Variants in ACVR2B observed in about 807,000 individuals in gnomAD.
ACVR2B encodes the protein activin receptor type-2B.
A neutral mutation model predicts 65.1 loss-of-function variants in ACVR2B; 18 were observed. The observed-to-expected ratio is 0.28, with a 90% CI of 0.19 to 0.41. The LOEUF (loss-of-function observed/expected upper bound fraction) is 0.41, where lower values mean the gene tolerates loss of function less well. Among genes scored for constraint, ACVR2B ranks in the 10% least tolerant of loss-of-function variants. ACVR2B has a pLI of 1.00. For synonymous variants in ACVR2B, 298 were observed against 277.7 expected, an observed-to-expected ratio of 1.07 and a Z score of -0.73; for missense variants, 482 against 682.7, an observed-to-expected ratio of 0.71 and a Z score of 3.28.
At chr3:38,469,049 GTT>G (rs1285557469) in intron 1 of ACVR2B, among the ~76,000 whole-genome samples, 1 of 152,160 alleles carries the variant, frequency 6.6e-6, no homozygotes, top group Non-Finnish European at 1.5e-5. Context: ...TTGGTTCCTT[GTT>G]TCTAGGCGGG....
At chr3:38,456,718 G>A (rs1400108273) in intron 1 of ACVR2B, among the ~76,000 whole-genome samples, 1 of 152,152 alleles carries the variant, frequency 6.6e-6, no homozygotes, top group Non-Finnish European at 1.5e-5. Context: ...GGTGGGGCAA[G>A]GGGGTGTTTT....
chr3:38,478,076 T>C, intron 3 of ACVR2B, 65 bp from the exon 4 acceptor site: 1 of 1,598,494 alleles, frequency 6.3e-7, no homozygotes, highest in South Asian at 1.1e-5. Flanking sequence ...CAGGGCCCTG[T>C]AGTCTGGCTC....
In ACVR2B at chr3:38,490,393, T is replaced by C. The variant is rs1472422874; in HGVS notation, c.*7061T>C. On this transcript the variant is annotated 3_prime_UTR_variant, in exon 11 of 11. Transcript: ENST00000352511. ...ATTCATTCTGGTTGAGCGTATAGGT[T>C]TACACTTTACCCTTTTTATACTTGG... 6.6e-6 allele frequency: 1 copy of C among 152,508 alleles called. No homozygotes were observed. Among genetic ancestry groups the C allele is most frequent in the Non-Finnish European group, 1.5e-5 (1 of 68,018 alleles). 9.4% of individuals were successfully genotyped at this position (152,508 alleles called of 1,614,324 possible).
chr3:38,485,885 T>G lies in ACVR2B; in HGVS notation c.*2553T>G, dbSNP rs535091371. On this transcript the variant is annotated 3_prime_UTR_variant, in exon 11 of 11. Coordinates refer to ENST00000352511, the MANE Select transcript of ACVR2B (RefSeq NM_001106.4). Reference sequence around the variant, plus strand: ...GTGCAGGCATCTTTACTTTTCATCCTCAGAAGAAACAAACGACTAACAAAT... The same window carrying G: ...GTGCAGGCATCTTTACTTTTCATCCGCAGAAGAAACAAACGACTAACAAAT... 2 of 152,690 alleles carry G rather than the reference T, an allele frequency of 1.3e-5. No individual in the cohort carries two copies. Among genetic ancestry groups the G allele is most frequent in the South Asian group, 4.2e-4 (2 of 4,816 alleles). 9.5% of individuals were successfully genotyped at this position (152,690 alleles called of 1,614,324 possible).
chr3:38,468,891 T>A (rs1281334384), intron 1 of ACVR2B, among the ~76,000 whole-genome samples: 1 of 152,196 alleles, frequency 6.6e-6, no homozygotes, highest in Non-Finnish European at 1.5e-5. Context: ...TTGTGTATAA[T>A]CCTTGACCTT....
intron 1 of ACVR2B, 62 bp downstream of exon 1, chr3:38,454,436 C>A: frequency 1.6e-6 from 2 of 1,213,026 alleles, no homozygotes; most frequent in Non-Finnish European, 2.1e-6. Flanking sequence ...TCTGGCGCCG[C>A]GCGGTGTTTA....
chr3:38,454,265 G>C lies in ACVR2B; in HGVS notation c.-58G>C. ...CGCCGCCTGGCCCTGCGCGCCCCGG[G>C]AGCGCCGTGCGGCCCTGCCCGCGGG... On this transcript the variant is annotated 5_prime_UTR_variant, in exon 1 of 11. Coordinates refer to ENST00000352511, the MANE Select transcript of ACVR2B (RefSeq NM_001106.4). The C allele has an allele frequency of 8.4e-7, 1 of 1,193,686 alleles. No homozygotes were observed. The highest frequency in any genetic ancestry group is 1.0e-6 in the Non-Finnish European group (1 of 962,310). 73.9% of individuals were successfully genotyped at this position (1,193,686 alleles called of 1,614,324 possible). A position where few individuals can be genotyped will look rare whatever the true frequency, so the allele number is the denominator to read the frequency against.
At chr3:38,458,376 A>T (rs1709585545) in intron 1 of ACVR2B, among the ~76,000 whole-genome samples, 1 of 152,180 alleles carries the variant, frequency 6.6e-6, no homozygotes, top group South Asian at 2.1e-4. Flanking sequence ...TGTACATTGT[A>T]TGCACCCACT....
chr3:38,472,114 T>C (rs963853963), intron 1 of ACVR2B, among the ~76,000 whole-genome samples: 3 of 152,210 alleles, frequency 2.0e-5, no homozygotes, highest in African/African-American at 4.8e-5. Context: ...TTATCTGTTA[T>C]ACACTCCAGC....
At chr3:38,475,589 G>T (rs1709893184) in intron 1 of ACVR2B, 1 of 152,244 alleles carries the variant, frequency 6.6e-6, no homozygotes, top group South Asian at 2.1e-4. Flanking sequence ...CAGGAGAATG[G>T]CCGCTCCAGT....
intron 1 of ACVR2B, among the ~76,000 whole-genome samples, chr3:38,472,445 G>A (rs547760906): frequency 1.8e-4 from 28 of 152,262 alleles, no homozygotes; most frequent in South Asian, 4.1e-4. Context: ...GTTCTTGCTT[G>A]TCTTCCTCTT....
rs1355692636 is a variant in ACVR2B at position 38,492,696 on chromosome 3, G to A, written c.*9364G>A. On this transcript the variant is annotated 3_prime_UTR_variant, in exon 11 of 11. Coordinates refer to ENST00000352511, the MANE Select transcript of ACVR2B (RefSeq NM_001106.4). ...TAAGCTTGTTGCTGTTACCCTGTCT[G>A]GATTTGAAAAGTGTGCTGATTTATA... is the stretch of plus-strand genomic sequence containing the variant. 2 of 144,186 alleles carry A rather than the reference G, an allele frequency of 1.4e-5. No homozygotes were observed. The highest frequency in any genetic ancestry group is 3.0e-5 in the Non-Finnish European group (2 of 65,946). 8.9% of individuals were successfully genotyped at this position (144,186 alleles called of 1,614,324 possible).
chr3:38,470,206 T>C (rs1342030662), intron 1 of ACVR2B, among the ~76,000 whole-genome samples: 1 of 152,058 alleles, frequency 6.6e-6, no homozygotes, highest in Non-Finnish European at 1.5e-5. Context: ...TTTGTCAGAA[T>C]TGACAAAAAA....
At position 38,488,894 on chromosome 3, in the gene ACVR2B, C is replaced by A. The variant is rs1710166453; in HGVS notation, c.*5562C>A. ...AGGTAATTCTGAGAACTACTGTAAACCAACCACAGGGCACTAAAGCAATGT... is the reference window on the plus strand; with the variant it reads ...AGGTAATTCTGAGAACTACTGTAAAACAACCACAGGGCACTAAAGCAATGT... On this transcript the variant is annotated 3_prime_UTR_variant, in exon 11 of 11. Coordinates refer to ENST00000352511, the MANE Select transcript of ACVR2B (RefSeq NM_001106.4). 6.6e-6 allele frequency: 1 copy of A among 152,168 alleles called. No individual in the cohort carries two copies. The highest frequency in any genetic ancestry group is 2.1e-4 in the South Asian group (1 of 4,832). 9.4% of individuals were successfully genotyped at this position (152,168 alleles called of 1,614,324 possible). A position where few individuals can be genotyped will look rare whatever the true frequency, so the allele number is the denominator to read the frequency against.
Position 38,467,160 on chromosome 3 carries a change from C to T in ACVR2B, c.53-10127C>T, listed in dbSNP as rs1405067156. On this transcript the variant is annotated intron_variant, in intron 1 of 10. Transcript: ENST00000352511. ...TATAATTTTCAAGCTAAAAAAGAGA[C>T]AAATGGGCTGGGTGCGGTGGCTCAC... 3.3e-5 allele frequency among the ~76,000 whole-genome samples: 5 copies of T among 152,118 alleles called. 1 individual carries two copies. Among genetic ancestry groups the T allele is most frequent in the Admixed American group, 2.6e-4 (4 of 15,258 alleles).
intron 1 of ACVR2B, among the ~76,000 whole-genome samples, chr3:38,467,636 G>A (rs1447091831): frequency 4.0e-5 from 6 of 151,602 alleles, no homozygotes; most frequent in Non-Finnish European, 5.9e-5. Flanking sequence ...CTGTAAGTCC[G>A]AGCTACTTGG....
chr3:38,480,727 T>A (rs1710003669), intron 7 of ACVR2B, among the ~76,000 whole-genome samples: 1 of 152,242 alleles, frequency 6.6e-6, no homozygotes, highest in South Asian at 2.1e-4. Flanking sequence ...TGGCTCAACT[T>A]AATAGGAATA....
Position 38,490,606 on chromosome 3 carries a change from G to GTCCCCAA in ACVR2B, c.*7275_*7281dup, listed in dbSNP as rs1254120425. 1 of 152,356 alleles carries GTCCCCAA rather than the reference G, an allele frequency of 6.6e-6. No individual in the cohort carries two copies. Among genetic ancestry groups the GTCCCCAA allele is most frequent in the African/African-American group, 2.4e-5 (1 of 41,318 alleles). 9.4% of individuals were successfully genotyped at this position (152,356 alleles called of 1,614,324 possible). ...AGCTTTTTTCTACTTGTCTTTTCTA[G>GTCCCCAA]TCCCCAACCTCTACCTTTTTCCTTT... On this transcript the variant is annotated 3_prime_UTR_variant, in exon 11 of 11. Coordinates refer to ENST00000352511, the MANE Select transcript of ACVR2B (RefSeq NM_001106.4).
At chr3:38,482,106 C>T (rs889784212) in intron 8 of ACVR2B, 92 bp from the exon 9 acceptor site, 16 of 1,577,734 alleles carry the variant, frequency 1.0e-5, no homozygotes, top group Non-Finnish European at 1.3e-5. Context: ...GTCTTGCCCG[C>T]CATCTGGTGC....
Sources: allele counts gnomAD v4.1 joint callset (sites outside exome capture counted in the v4.1 genomes callset), GRCh38; gene constraint gnomAD v4.1.1; transcripts MANE v1.5; gene names NCBI Gene and HGNC (gene_info 2026-07-23, HGNC 2026-07-21).